The following MPRIP variants were observed in gnomAD, a reference collection of about 807,000 sequenced individuals.
The protein encoded by MPRIP is myosin phosphatase Rho-interacting protein.
A neutral mutation model predicts 234.9 loss-of-function variants in MPRIP; 59 were observed. The observed-to-expected ratio is 0.25, with a 90% CI of 0.20 to 0.31. MPRIP has a LOEUF of 0.31. Ranked by LOEUF, MPRIP falls within the 10% of genes least tolerant of loss-of-function variation. The pLI is 1.00. For synonymous variants in MPRIP, 1,144 were observed against 1,263.9 expected (o/e 0.91, Z 2.01); for missense variants, 2,436 against 3,071.0 (o/e 0.79, Z 4.89).
At chr17:17,057,192 A>G (rs1235920400) in intron 1 of MPRIP, among the ~76,000 whole-genome samples, 2 of 152,190 alleles carry the variant, frequency 1.3e-5, no homozygotes, top group African/African-American at 4.8e-5. Flanking sequence ...TGGGTCCCAA[A>G]TAAGGCCTGC....
intron 3 of MPRIP, among the ~76,000 whole-genome samples, chr17:17,106,493 A>G (rs1158161021): frequency 1.3e-5 from 2 of 152,140 alleles, no homozygotes; most frequent in African/African-American, 4.8e-5. Flanking sequence ...CCCTCCACAG[A>G]GCTTGGTGCT....
At chr17:17,047,068 C>T (rs1256752628) in intron 1 of MPRIP, among the ~76,000 whole-genome samples, 2 of 152,188 alleles carry the variant, frequency 1.3e-5, no homozygotes, top group Non-Finnish European at 2.9e-5. Flanking sequence ...ATCCCAGCTA[C>T]TCCTTGGGAG....
intron 14 of MPRIP, 68 bp downstream of exon 14, chr17:17,159,070 CTGTGGCCTGA>C: frequency 6.7e-7 from 1 of 1,502,026 alleles, no homozygotes; most frequent in Non-Finnish European, 9.0e-7. Context: ...CTGTGCCCAG[CTGTGGCCTGA>C]GGGGTTCATC....
At chr17:17,086,545 G>C (rs111751471) in intron 3 of MPRIP, among the ~76,000 whole-genome samples, 18 of 152,346 alleles carry the variant, frequency 1.2e-4, no homozygotes, top group African/African-American at 4.3e-4. Flanking sequence ...GGCAGGGAGG[G>C]CCCTGCTCGA....
chr17:17,164,831 C>T lies in MPRIP; in HGVS notation c.3240C>T (p.His1080=), dbSNP rs948276331. 3.1e-6 allele frequency: 4 copies of T among 1,304,136 alleles called. No homozygotes were observed. The highest frequency in any genetic ancestry group is 2.1e-4 in the Middle Eastern group (1 of 4,692). 80.8% of individuals were successfully genotyped at this position (1,304,136 alleles called of 1,614,324 possible). ...SATFEGSEQV[H]QLEEQLEARE... ...CTTTCGAGGGCAGTGAGCAGGTGCA[C>T]CAGCTGGAGGAGCAGCTGGAGGCAC... The change falls in exon 16 of 24, where the codon CAC becomes CAT. Residue 1080 remains histidine, a synonymous_variant. Coordinates refer to ENST00000651222, the MANE Select transcript of MPRIP (RefSeq NM_001364716.4).
intron 1 of MPRIP, among the ~76,000 whole-genome samples, chr17:17,060,611 C>G (rs1296550594): frequency 6.6e-6 from 1 of 152,188 alleles, no homozygotes; most frequent in African/African-American, 2.4e-5. Flanking sequence ...CCACTGCCAG[C>G]GGGGAGGAGT....
In MPRIP at chr17:17,042,820, C is replaced by CCGCCGCCGT. The variant is rs1555556305; in HGVS notation, c.-21_-20insTCGCCGCCG. The CCGCCGCCGT allele has an allele frequency of 1.1e-5, 16 of 1,398,218 alleles. No homozygotes were observed. The East Asian group carries it at 5.0e-4, about 44-fold the overall frequency. 86.6% of individuals were successfully genotyped at this position (1,398,218 alleles called of 1,614,324 possible). The stretch of plus-strand genomic sequence containing the variant: ...CAGGCCGGCCAGGCCTGCGCCGCCG[C>CCGCCGCCGT]CGCCGCCGCCGTCGCCGCCGCGCCG... On this transcript the variant is annotated 5_prime_UTR_variant, in exon 1 of 24. Transcript: ENST00000651222.
Position 17,138,071 on chromosome 17 carries a change from C to A in MPRIP, c.892C>A (p.His298Asn). 6.3e-7 allele frequency: 1 copy of A among 1,599,546 alleles called. No homozygotes were observed. The highest frequency in any genetic ancestry group is 8.5e-7 in the Non-Finnish European group (1 of 1,173,400). Residue 298 changes from histidine (H) to asparagine (N), a missense_variant, in exon 7 of 24, where the codon CAC (histidine) becomes AAC (asparagine). By Grantham distance (68) the His-to-Asn change is moderately conservative (BLOSUM62 1). This residue lies in a region of MPRIP where 267 missense variants were observed against 252.7 expected (regional missense o/e 1.06). Coordinates refer to ENST00000651222, the MANE Select transcript of MPRIP (RefSeq NM_001364716.4). The surrounding 1 kb of genome is among the most constrained non-coding windows in gnomAD (Gnocchi z 5.8). ...LSPPSPSTPN[H>N]RYSCPESPSQ... ...CCCTCCCAGCCCCAGCACCCCCAAC[C>A]ACAGGTACAGTTGCCCCGAGTCGCC...
chr17:17,042,811 G>GCGC lies in MPRIP; in HGVS notation c.-20_-18dup, dbSNP rs376448844. 36,442 of 1,341,662 alleles carry GCGC rather than the reference G, an allele frequency of 0.027. 784 individuals are homozygous for GCGC. The highest frequency in any genetic ancestry group is 0.097 in the East Asian group (2,052 of 21,062). The allele number at this position is 1,341,662 out of a possible 1,614,324, so 83.1% of individuals were successfully genotyped here. On this transcript the variant is annotated 5_prime_UTR_variant, in exon 1 of 24. Transcript: ENST00000651222. ...CGGGAGCGCCAGGCCGGCCAGGCCT[G>GCGC]CGCCGCCGCCGCCGCCGCCGTCGCC... is the stretch of plus-strand genomic sequence containing the variant.
rs768416217 is a variant in MPRIP, at chr17:17,158,663, C to T, written c.2061C>T (p.His687=). 27 of 1,604,760 alleles carry T rather than the reference C, an allele frequency of 1.7e-5. No individual in the cohort carries two copies. The highest frequency in any genetic ancestry group is 5.3e-5 in the African/African-American group (4 of 74,836). ...RVGGVGPADT[H]EPLRPEAEPG... is the part of the protein sequence containing the mutation. ...GCGGCGTGGGGCCTGCTGACACCCA[C>T]GAGCCCCTGCGCCCTGAGGCGGAGC... Residue 687 remains histidine (H), a synonymous_variant, in exon 14 of 24, where the codon CAC becomes CAT. Coordinates refer to ENST00000651222, the MANE Select transcript of MPRIP (RefSeq NM_001364716.4).
At chr17:17,100,442 G>T (rs2089937477) in intron 3 of MPRIP, among the ~76,000 whole-genome samples, 1 of 152,170 alleles carries the variant, frequency 6.6e-6, no homozygotes, top group Non-Finnish European at 1.5e-5. Context: ...GTGTGTGTGT[G>T]TGTGTATTTC....
chr17:17,124,823 A>G (rs1172567192), intron 3 of MPRIP, among the ~76,000 whole-genome samples: 1 of 152,190 alleles, frequency 6.6e-6, no homozygotes, highest in Admixed American at 6.5e-5. Flanking sequence ...AGGCACCTGC[A>G]CTATGCCAGG....
chr17:17,049,279 G>A (rs1247533064), intron 1 of MPRIP, among the ~76,000 whole-genome samples: 1 of 152,222 alleles, frequency 6.6e-6, no homozygotes, highest in Non-Finnish European at 1.5e-5. Flanking sequence ...TGGTTGCACA[G>A]CCTTGTGAAA....
chr17:17,115,047 C>T (rs528762024), intron 3 of MPRIP, among the ~76,000 whole-genome samples: 2 of 152,402 alleles, frequency 1.3e-5, no homozygotes, highest in East Asian at 1.9e-4. Context: ...AGCCCACGCA[C>T]TGCAGCACCA....
rs1216483470 is a variant in MPRIP, at chr17:17,077,991, C to T, written c.202-20C>T. 5.6e-6 allele frequency: 9 copies of T among 1,613,940 alleles called. No individual in the cohort carries two copies. The highest frequency in any genetic ancestry group is 7.6e-6 in the Non-Finnish European group (9 of 1,179,862). On this transcript the variant is annotated intron_variant, in intron 2 of 23. Transcript: ENST00000651222. ...CAGGACCCAGATCCTCCTAACCACC[C>T]ACCTTGTGCTCCGTTGCAGAAATGG...
In MPRIP at chr17:17,078,398, C is replaced by T. The variant is rs1168700211; in HGVS notation, c.267+322C>T. ...AAAGCAAGGGCAAAGTCCTGGATCA[C>T]GTGTGCAGGCTGTGGACCTGTGGGC... On this transcript the variant is annotated intron_variant, in intron 3 of 23. Transcript: ENST00000651222. This position sits in a 1 kb window ranked among gnomAD's most constrained non-coding sequence, Gnocchi z 4.3. 1.3e-5 allele frequency among the ~76,000 whole-genome samples: 2 copies of T among 152,234 alleles called. No homozygotes were observed. Among genetic ancestry groups the T allele is most frequent in the Non-Finnish European group, 2.9e-5 (2 of 68,042 alleles).
intron 3 of MPRIP, among the ~76,000 whole-genome samples, chr17:17,113,874 TC>T (rs2090222791): frequency 1.5e-5 from 2 of 131,678 alleles, no homozygotes; most frequent in African/African-American, 7.1e-5. Context: ...CATTTTCTTT[TC>T]TTTTCTTTTC....
chr17:17,180,622 G>A, intron 23 of MPRIP: 1 of 1,613,994 alleles, frequency 6.2e-7, no homozygotes, highest in Non-Finnish European at 8.5e-7. Context: ...AATTGAGCAG[G>A]TCTCGTGGGA....
At chr17:17,075,526 T>G (rs1196802753) in intron 1 of MPRIP, among the ~76,000 whole-genome samples, 184 bp from the exon 2 acceptor site, 1 of 152,132 alleles carries the variant, frequency 6.6e-6, no homozygotes, top group African/African-American at 2.4e-5. Context: ...CCCCGGATGC[T>G]GCAGAATCCC....
Sources: gnomAD v4.1 joint callset for allele counts (sites outside exome capture counted in the v4.1 genomes callset) on GRCh38, gnomAD v4.1.1 for gene constraint, gnomAD v4.1.1 regional missense constraint, Gnocchi (gnomAD v3.1) non-coding constraint, MANE v1.5 for transcripts, NCBI Gene and HGNC (gene_info 2026-07-23, HGNC 2026-07-21) for gene names.